The following HS6ST3 variants were observed in gnomAD, a reference collection of about 807,000 sequenced individuals.
The protein encoded by HS6ST3 is heparan sulfate 6-O-sulfotransferase 3.
In HS6ST3, 12 loss-of-function variants were observed where a neutral mutation model predicts 36.7. The observed-to-expected ratio is 0.33, with a 90% CI of 0.21 to 0.53. HS6ST3 has a LOEUF of 0.53. Among genes scored for constraint, HS6ST3 ranks in the 20% least tolerant of loss-of-function variants. The probability of loss-of-function intolerance (pLI) is 0.95; values close to 1 mark genes in which losing one functional copy is unlikely to be tolerated. For synonymous variants in HS6ST3, 240 were observed against 257.5 expected, an observed-to-expected ratio of 0.93 and a Z score of 0.65; for missense variants, 584 against 640.9, an observed-to-expected ratio of 0.91 and a Z score of 0.96.
chr13:96,141,764 G>C (rs939676389), intron 1 of HS6ST3, among the ~76,000 whole-genome samples: 2 of 152,078 alleles, frequency 1.3e-5, no homozygotes, highest in East Asian at 1.9e-4. Flanking sequence ...TAGATCAGGG[G>C]GGTCTTAAGG....
chr13:96,208,360 T>G (rs2054382397), intron 1 of HS6ST3, among the ~76,000 whole-genome samples: 1 of 152,162 alleles, frequency 6.6e-6, no homozygotes, highest in Non-Finnish European at 1.5e-5. Context: ...TGTGTCTAAA[T>G]TTTTGGTATT....
At chr13:96,691,963 A>C (rs1824113859) in intron 1 of HS6ST3, among the ~76,000 whole-genome samples, 2 of 152,118 alleles carry the variant, frequency 1.3e-5, no homozygotes, top group African/African-American at 2.4e-5. Context: ...ACAGCATTCA[A>C]ATTTGAGCCT....
chr13:96,819,281 G>A (rs974160683), intron 1 of HS6ST3, among the ~76,000 whole-genome samples: 12 of 152,130 alleles, frequency 7.9e-5, no homozygotes, highest in Admixed American at 6.5e-5. Flanking sequence ...CAGAAAAAAA[G>A]AGACCCCAGA....
intron 1 of HS6ST3, among the ~76,000 whole-genome samples, chr13:96,183,966 G>A (rs76063910): frequency 0.025 from 3,826 of 152,188 alleles, 80 homozygotes; most frequent in Middle Eastern, 0.068. Flanking sequence ...ACTTTGGGAG[G>A]CTGAGGTGGG....
chr13:96,450,211 CAG>C (rs2055720839), intron 1 of HS6ST3, among the ~76,000 whole-genome samples: 1 of 152,144 alleles, frequency 6.6e-6, no homozygotes, highest in African/African-American at 2.4e-5. Context: ...TTGGCTTGAA[CAG>C]AGTCATTTTT....
At chr13:96,794,932 A>G (rs1342839287) in intron 1 of HS6ST3, among the ~76,000 whole-genome samples, 1 of 152,084 alleles carries the variant, frequency 6.6e-6, no homozygotes, top group Non-Finnish European at 1.5e-5. Context: ...TTCCAGATGG[A>G]AGCAACATGC....
intron 1 of HS6ST3, among the ~76,000 whole-genome samples, chr13:96,387,415 G>T (rs1304136119): frequency 6.6e-6 from 1 of 152,136 alleles, no homozygotes; most frequent in Non-Finnish European, 1.5e-5. Flanking sequence ...TGGATTAGAT[G>T]GTTGAGCCAT....
intron 1 of HS6ST3, among the ~76,000 whole-genome samples, chr13:96,310,147 AT>A (rs2054933036): frequency 6.6e-6 from 1 of 151,974 alleles, no homozygotes; most frequent in South Asian, 2.1e-4. Context: ...TTGCTCAAAA[AT>A]TTTTTCTTAG....
intron 1 of HS6ST3, among the ~76,000 whole-genome samples, chr13:96,234,980 G>T (rs1307272060): frequency 6.6e-6 from 1 of 152,032 alleles, no homozygotes; most frequent in African/African-American, 2.4e-5. Context: ...GCCTAGGGTT[G>T]CTCATACAGT....
intron 1 of HS6ST3, among the ~76,000 whole-genome samples, chr13:96,378,554 T>C (rs1300452286): frequency 6.6e-6 from 1 of 152,186 alleles, no homozygotes; most frequent in Non-Finnish European, 1.5e-5. Flanking sequence ...TGTTTTTACT[T>C]TTATGTTCAT....
intron 1 of HS6ST3, among the ~76,000 whole-genome samples, chr13:96,122,940 G>C (rs1013413794): frequency 1.2e-4 from 19 of 152,096 alleles, no homozygotes; most frequent in African/African-American, 4.3e-4. Context: ...TTTTGGCAGA[G>C]AGCATGTAGG....
At chr13:96,104,590 C>G (rs2053832394) in intron 1 of HS6ST3, among the ~76,000 whole-genome samples, 1 of 152,186 alleles carries the variant, frequency 6.6e-6, no homozygotes, top group Non-Finnish European at 1.5e-5. Flanking sequence ...GAGCCCACAC[C>G]CCTAACTACT....
chr13:96,190,182 CATTT>C (rs1458497530), intron 1 of HS6ST3, among the ~76,000 whole-genome samples: 13 of 152,164 alleles, frequency 8.5e-5, no homozygotes, highest in Admixed American at 8.5e-4. Context: ...TCCATCCATT[CATTT>C]GTTAATTTGT....
chr13:96,701,910 T>A (rs1228327892), intron 1 of HS6ST3, among the ~76,000 whole-genome samples: 1 of 152,104 alleles, frequency 6.6e-6, no homozygotes, highest in Non-Finnish European at 1.5e-5. Flanking sequence ...TGCAGTGAGC[T>A]GACATCATGC....
rs888337506 is a variant in HS6ST3, at chr13:96,206,904, G to A, written c.707+115335G>A. ...CATTCAGGACATAGGCATGGGCAAA[G>A]ATTTCATGATGAAAAGGCCAAAAGC... On this transcript the variant is annotated intron_variant, in intron 1 of 1. Coordinates refer to ENST00000376705, the MANE Select transcript of HS6ST3 (RefSeq NM_153456.4). 6.6e-5 allele frequency among the ~76,000 whole-genome samples: 10 copies of A among 152,144 alleles called. 1 individual carries two copies. The highest frequency in any genetic ancestry group is 6.3e-3 in the Middle Eastern group (2 of 316).
intron 1 of HS6ST3, among the ~76,000 whole-genome samples, chr13:96,474,109 T>C (rs2055851897): frequency 7.9e-6 from 1 of 126,342 alleles, no homozygotes. Flanking sequence ...CCATTTTTGC[T>C]TCATTGATTT....
intron 1 of HS6ST3, among the ~76,000 whole-genome samples, chr13:96,164,860 A>C (rs531823877): frequency 9.2e-5 from 14 of 151,708 alleles, no homozygotes; most frequent in African/African-American, 3.4e-4. Context: ...TTTTTTTTTT[A>C]ATTACAGCTG....
chr13:96,577,055 T>C (rs914853493), intron 1 of HS6ST3, among the ~76,000 whole-genome samples: 1 of 151,876 alleles, frequency 6.6e-6, no homozygotes, highest in African/African-American at 2.4e-5. Context: ...CTGGGATACA[T>C]GTGCAGAACA....
intron 1 of HS6ST3, among the ~76,000 whole-genome samples, chr13:96,675,581 C>T (rs574481404): frequency 3.9e-5 from 6 of 152,172 alleles, no homozygotes; most frequent in African/African-American, 1.4e-4. Context: ...AGGGTTCTCT[C>T]CCAAAGGCAT....
Sources: gnomAD v4.1 joint callset for allele counts (sites outside exome capture counted in the v4.1 genomes callset) on GRCh38, gnomAD v4.1.1 for gene constraint, MANE v1.5 for transcripts, NCBI Gene and HGNC (gene_info 2026-07-23, HGNC 2026-07-21) for gene names.